PCDHGA1: variants seen among roughly 807,000 people sequenced by gnomAD.
PCDHGA1 encodes the protein protocadherin gamma subfamily A, 1.
PCDHGA1 carries 32 observed loss-of-function variants against 58.0 expected under a neutral mutation model. That is an observed-to-expected ratio of 0.55 (90% CI 0.42 to 0.74). The LOEUF (loss-of-function observed/expected upper bound fraction) is 0.74. Ranked by LOEUF, PCDHGA1 falls within the 30% of genes least tolerant of loss-of-function variation. The pLI is 0.00. For missense variants in PCDHGA1, 1,205 were observed against 1,182.3 expected (o/e 1.02, Z -0.28); for synonymous variants, 498 against 501.1 (o/e 0.99, Z 0.08).
rs750827454 is a variant in PCDHGA1, at chr5:141,394,736, C to T, written c.2421+61631C>T. The stretch of plus-strand genomic sequence containing the variant: ...TGGACAGAGATGCGCTCAAGCAGAG[C>T]CTCGTGGTGGCCGTCCAGGACCATG... On this transcript the variant is annotated intron_variant, in intron 1 of 3. Transcript: ENST00000517417. 13 of 1,613,338 alleles carry T rather than the reference C, an allele frequency of 8.1e-6. No homozygotes were observed. The African/African-American group carries it at 1.5e-4, about 18-fold the overall frequency.
chr5:141,356,010 T>A lies in PCDHGA1; in HGVS notation c.2421+22905T>A. On this transcript the variant is annotated intron_variant, in intron 1 of 3. Transcript: ENST00000517417. ...TCACCGTAAAAGCCACTGATCCAGA[T>A]GAAGGAGCCAATGGAGACGTGACGT... is the stretch of plus-strand genomic sequence containing the variant. 1.2e-6 allele frequency: 2 copies of A among 1,613,914 alleles called. No individual in the cohort carries two copies. The highest frequency in any genetic ancestry group is 1.7e-6 in the Non-Finnish European group (2 of 1,179,894).
chr5:141,462,486 G>A (rs62379193), intron 1 of PCDHGA1, among the ~76,000 whole-genome samples: 5,124 of 152,042 alleles, frequency 0.034, 100 homozygotes, highest in Middle Eastern at 0.088. Flanking sequence ...CGTGGTTGTT[G>A]TATCCTATAA....
chr5:141,392,809 CA>C, intron 1 of PCDHGA1: 1 of 1,578,772 alleles, frequency 6.3e-7, no homozygotes, highest in Non-Finnish European at 8.6e-7. Flanking sequence ...TGCAGCAAAA[CA>C]ACAATGGCCG....
rs191188858 is a variant in PCDHGA1, at chr5:141,472,077, A to G, written c.2422-22730A>G. On this transcript the variant is annotated intron_variant, in intron 1 of 3. Transcript: ENST00000517417. ...GATTGACATGTCTGTGGTTATATCA[A>G]TGAGTACTATTATTATTCCCATTTT... 2.4e-3 allele frequency among the ~76,000 whole-genome samples: 365 copies of G among 152,346 alleles called. 2 individuals carry two copies. Among genetic ancestry groups the G allele is most frequent in the African/African-American group, 8.4e-3 (351 of 41,580 alleles).
chr5:141,418,599 A>C, intron 1 of PCDHGA1: 2 of 1,614,054 alleles, frequency 1.2e-6, no homozygotes. Context: ...CAGGACGTGT[A>C]CAGGGTTAGC....
Position 141,486,657 on chromosome 5 carries a change from T to C in PCDHGA1, c.2422-8150T>C. Reference sequence around the variant, plus strand: ...AATGCGCTTATCTCCTACTCACTCCTGGAGCCCAGGAATCGAGATGTATCA... The same window carrying C: ...AATGCGCTTATCTCCTACTCACTCCCGGAGCCCAGGAATCGAGATGTATCA... On this transcript the variant is annotated intron_variant, in intron 1 of 3. Transcript: ENST00000517417. The surrounding 1 kb of genome is among the most constrained non-coding windows in gnomAD (Gnocchi z 5.0). The C allele has an allele frequency of 6.2e-7, 1 of 1,614,010 alleles. No individual in the cohort carries two copies. Among genetic ancestry groups the C allele is most frequent in the Non-Finnish European group, 8.5e-7 (1 of 1,180,030 alleles).
At chr5:141,335,515 T>G (rs1756569396) in intron 1 of PCDHGA1, among the ~76,000 whole-genome samples, 1 of 152,108 alleles carries the variant, frequency 6.6e-6, no homozygotes, top group Admixed American at 6.5e-5. Context: ...AAAATATAGC[T>G]TAGAAAATAC....
At chr5:141,341,186 C>T in intron 1 of PCDHGA1, 1 of 1,614,220 alleles carries the variant, frequency 6.2e-7, no homozygotes, top group Middle Eastern at 1.7e-4. Flanking sequence ...GCAGAGCTCG[C>T]ACTTTGTGGG....
At chr5:141,384,213 A>G (rs1779846196) in intron 1 of PCDHGA1, 2 of 1,613,872 alleles carry the variant, frequency 1.2e-6, no homozygotes, top group Non-Finnish European at 1.7e-6. Context: ...AAACTCACAT[A>G]TTCATGCAGG....
Position 141,498,864 on chromosome 5 carries a change from C to T in PCDHGA1, c.2480+3999C>T, listed in dbSNP as rs1370263013. Among the ~76,000 whole-genome samples the T allele has an allele frequency of 2.7e-5, 4 of 149,532 alleles. No homozygotes were observed. The East Asian group carries it at 5.9e-4, about 22-fold the overall frequency. ...AGGGGAATCGCTTGAACCCAGGAGG[C>T]GGAGGTTGCAGTGAGCTGAGATCAC... On this transcript the variant is annotated intron_variant, in intron 2 of 3. Coordinates refer to ENST00000517417, the MANE Select transcript of PCDHGA1 (RefSeq NM_018912.3).
At chr5:141,375,575 G>A (rs1209081341) in intron 1 of PCDHGA1, 1 of 1,613,960 alleles carries the variant, frequency 6.2e-7, no homozygotes, top group East Asian at 2.2e-5. Context: ...CACCCTCCAG[G>A]GGGCGCCCCT....
rs377532961 is a variant in PCDHGA1 at position 141,366,656 on chromosome 5, G to A, written c.2421+33551G>A. ...CCTGATCTTTCCCCAGCCCAACTAC[G>A]CAGACACGCTCCTTAGTGAAGAGAG... On this transcript the variant is annotated intron_variant, in intron 1 of 3. Coordinates refer to ENST00000517417, the MANE Select transcript of PCDHGA1 (RefSeq NM_018912.3). 62 of 1,614,120 alleles carry A rather than the reference G, an allele frequency of 3.8e-5. No individual in the cohort carries two copies. In the South Asian group the frequency reaches 4.8e-4, roughly 13 times the overall value.
At chr5:141,413,980 A>C in intron 1 of PCDHGA1, 12 of 1,613,530 alleles carry the variant, frequency 7.4e-6, no homozygotes, top group Non-Finnish European at 1.0e-5. Flanking sequence ...GCTGACAGTC[A>C]CAGCCACCGA....
In PCDHGA1 at chr5:141,371,266, T is replaced by C; in HGVS notation, c.2421+38161T>C. ...AATATTGGCAAGGAAGTGAGACAACTGTTCAAGCTGGACAGTAAAACGGGG... is the reference window on the plus strand; with the variant it reads ...AATATTGGCAAGGAAGTGAGACAACCGTTCAAGCTGGACAGTAAAACGGGG... On this transcript the variant is annotated intron_variant, in intron 1 of 3. Transcript: ENST00000517417. 6.2e-7 allele frequency: 1 copy of C among 1,614,030 alleles called. No individual in the cohort carries two copies. Among genetic ancestry groups the C allele is most frequent in the East Asian group, 2.2e-5 (1 of 44,884 alleles).
At chr5:141,364,509 C>T (rs1482984712) in intron 1 of PCDHGA1, 2 of 1,613,942 alleles carry the variant, frequency 1.2e-6, no homozygotes, top group South Asian at 1.1e-5. Flanking sequence ...CAGGAGCTGG[C>T]GGAGCGCGGA....
At chr5:141,375,803 G>A (rs1771910516) in intron 1 of PCDHGA1, 5 of 1,614,234 alleles carry the variant, frequency 3.1e-6, no homozygotes, top group Non-Finnish European at 4.2e-6. Flanking sequence ...CGGTTCCACT[G>A]GCGTGGAGCT....
Position 141,405,226 on chromosome 5 carries a change from C to A in PCDHGA1, c.2421+72121C>A, listed in dbSNP as rs756970325. ...TACAGACCTATTCTCAGGAGTTCTCCCTCACCGCTGACTCAAGGAAGAGTC... is the reference window on the plus strand; with the variant it reads ...TACAGACCTATTCTCAGGAGTTCTCACTCACCGCTGACTCAAGGAAGAGTC... On this transcript the variant is annotated intron_variant, in intron 1 of 3. Coordinates refer to ENST00000517417, the MANE Select transcript of PCDHGA1 (RefSeq NM_018912.3). 3.1e-6 allele frequency: 5 copies of A among 1,614,052 alleles called. No individual in the cohort carries two copies. The East Asian group carries it at 1.1e-4, about 36-fold the overall frequency.
chr5:141,452,884 A>C (rs746547069), intron 1 of PCDHGA1, among the ~76,000 whole-genome samples: 1 of 152,204 alleles, frequency 6.6e-6, no homozygotes, highest in Non-Finnish European at 1.5e-5. Flanking sequence ...GTAATAATTT[A>C]TTCCACTTTT....
intron 1 of PCDHGA1, chr5:141,415,810 T>C: frequency 7.4e-7 from 1 of 1,360,418 alleles, no homozygotes; most frequent in Non-Finnish European, 9.5e-7. Context: ...AATCAAGGCC[T>C]ATATATCATA....
Sources: gnomAD v4.1 joint callset for allele counts (sites outside exome capture counted in the v4.1 genomes callset) on GRCh38, gnomAD v4.1.1 for gene constraint, Gnocchi (gnomAD v3.1) non-coding constraint, MANE v1.5 for transcripts, NCBI Gene and HGNC (gene_info 2026-07-23, HGNC 2026-07-21) for gene names.